The following VTCN1 variants were observed in gnomAD, a reference collection of about 807,000 sequenced individuals.
VTCN1 encodes the protein V-set domain containing T cell activation inhibitor 1, also known as V-set domain-containing T-cell activation inhibitor 1.
VTCN1 carries 26 observed loss-of-function variants against 26.5 expected under a neutral mutation model. The observed-to-expected ratio is 0.98, with a 90% CI of 0.72 to 1.36. The LOEUF (loss-of-function observed/expected upper bound fraction) is 1.36. Among genes scored for constraint, VTCN1 ranks in the 40% most tolerant of loss-of-function variants. VTCN1 has a pLI of 0.00. For synonymous variants in VTCN1, 116 were observed against 130.7 expected (o/e 0.89, Z 0.77); for missense variants, 298 against 337.7 (o/e 0.88, Z 0.92).
intron 1 of VTCN1, among the ~76,000 whole-genome samples, chr1:117,208,601 C>T (rs1649210645): frequency 6.6e-6 from 1 of 152,174 alleles, no homozygotes. Context: ...CCCCTCAGAG[C>T]AAGGGTTTTC....
At chr1:117,163,876 G>T (rs1337798536) in intron 2 of VTCN1, among the ~76,000 whole-genome samples, 1 of 152,116 alleles carries the variant, frequency 6.6e-6, no homozygotes. Context: ...TGACTCGAAG[G>T]TTTTTTTGGA....
intron 1 of VTCN1, 112 bp downstream of exon 1, chr1:117,210,712 G>A: frequency 8.4e-7 from 1 of 1,188,708 alleles, no homozygotes; most frequent in Non-Finnish European, 1.2e-6. Flanking sequence ...TGCTGGATCA[G>A]ATAAAATTAC....
chr1:117,207,942 G>A (rs1016606078), intron 1 of VTCN1, among the ~76,000 whole-genome samples: 1 of 152,110 alleles, frequency 6.6e-6, no homozygotes, highest in Non-Finnish European at 1.5e-5. Flanking sequence ...GACCACAACT[G>A]TTTCCCAACT....
chr1:117,199,349 T>C (rs1648678148), intron 1 of VTCN1, among the ~76,000 whole-genome samples: 1 of 152,158 alleles, frequency 6.6e-6, no homozygotes. Flanking sequence ...TTTTTGAGAC[T>C]GAGTCTCACT....
At chr1:117,172,330 C>T (rs1473521073) in intron 1 of VTCN1, 3 of 518,328 alleles carry the variant, frequency 5.8e-6, no homozygotes, top group South Asian at 2.8e-5. Context: ...AGGCAGCAAG[C>T]GAAGCTTTAA....
At position 117,173,150 on chromosome 1, in the gene VTCN1, C is replaced by T. The variant is rs1390622364; in HGVS notation, c.33-2979G>A. On this transcript the variant is annotated intron_variant, in intron 1 of 5. Transcript: ENST00000369458. ...GAGCAAACAACTCCGGAACAAACAACTCCGGACGCGCCACCTTTAAGAGCT... is the reference window on the plus strand; with the variant it reads ...GAGCAAACAACTCCGGAACAAACAATTCCGGACGCGCCACCTTTAAGAGCT... 4.2e-6 allele frequency: 3 copies of T among 715,100 alleles called. No individual in the cohort carries two copies. In the African/African-American group the frequency reaches 5.2e-5, roughly 13 times the overall value. The allele number at this position is 715,100 out of a possible 1,614,324, so 44.3% of individuals were successfully genotyped here. A position where few individuals can be genotyped will look rare whatever the true frequency, so the allele number is the denominator to read the frequency against.
rs1197843911 is a variant in VTCN1 at position 117,156,715 on chromosome 1, C to T, written c.304G>A (p.Ala102Thr). The T allele has an allele frequency of 9.9e-6, 16 of 1,614,216 alleles. No homozygotes were observed. Among genetic ancestry groups the T allele is most frequent in the Non-Finnish European group, 1.3e-5 (15 of 1,180,038 alleles). The change falls in exon 3 of 6, where the codon GCA (alanine) becomes ACA (threonine). Residue 102 changes from alanine to threonine, a missense_variant. Transcript: ENST00000369458. Reference sequence around the variant, plus strand: ...ACTATCACTTGATCAGCAAACACTGCTGTCCGGCCTCTGAACATTTCATCC... The same window carrying T: ...ACTATCACTTGATCAGCAAACACTGTTGTCCGGCCTCTGAACATTTCATCC... ...EQDEMFRGRT[A>T]VFADQVIVGN... is the part of the protein sequence containing the mutation.
intron 4 of VTCN1, among the ~76,000 whole-genome samples, chr1:117,152,201 G>A (rs12566082): frequency 0.054 from 8,156 of 152,066 alleles, 263 homozygotes; most frequent in South Asian, 0.079. Flanking sequence ...TGATATATCT[G>A]AGTTGTAGAT....
chr1:117,195,126 A>T (rs1197498085), intron 1 of VTCN1, among the ~76,000 whole-genome samples: 5 of 151,764 alleles, frequency 3.3e-5, no homozygotes, highest in African/African-American at 1.2e-4. Context: ...GCCAGGCATG[A>T]TGGAGGGCGC....
In VTCN1 at chr1:117,173,448, G is replaced by A. The variant is rs1267495143; in HGVS notation, c.33-3277C>T. ...ACTCAAGGAACACCAAAGGTTGCCA[G>A]CAAAACTCCAGAATCTGGGAGAGAG... On this transcript the variant is annotated intron_variant, in intron 1 of 5. Transcript: ENST00000369458. Among the ~76,000 whole-genome samples the A allele has an allele frequency of 6.6e-5, 10 of 152,194 alleles. No individual in the cohort carries two copies. In the East Asian group the frequency reaches 1.9e-3, roughly 29 times the overall value.
At chr1:117,198,329 A>G (rs1300307709) in intron 1 of VTCN1, among the ~76,000 whole-genome samples, 4 of 152,232 alleles carry the variant, frequency 2.6e-5, no homozygotes, top group African/African-American at 9.6e-5. Flanking sequence ...CTTGTGTGTT[A>G]TATGTGAATG....
intron 2 of VTCN1, among the ~76,000 whole-genome samples, chr1:117,165,966 T>C (rs1054790096): frequency 3.3e-5 from 5 of 152,178 alleles, no homozygotes; most frequent in Admixed American, 6.5e-5. Flanking sequence ...ACTAACAAAC[T>C]GCCCATTTTA....
chr1:117,163,819 C>A (rs762742297), intron 2 of VTCN1, among the ~76,000 whole-genome samples: 5 of 152,166 alleles, frequency 3.3e-5, no homozygotes, highest in Non-Finnish European at 5.9e-5. Context: ...CAACTAAAAA[C>A]CACAAAATAA....
At chr1:117,162,277 T>C (rs1652405867) in intron 2 of VTCN1, among the ~76,000 whole-genome samples, 1 of 152,226 alleles carries the variant, frequency 6.6e-6, no homozygotes, top group African/African-American at 2.4e-5. Flanking sequence ...GTTAAGTGAA[T>C]AAATGATTGT....
intron 1 of VTCN1, chr1:117,172,509 G>T (rs1652974795): frequency 1.9e-6 from 1 of 518,336 alleles, no homozygotes; most frequent in Admixed American, 1.9e-5. Flanking sequence ...ACTGACACAG[G>T]CAGCCGACTT....
At chr1:117,154,714 C>T (rs1335556410) in intron 3 of VTCN1, among the ~76,000 whole-genome samples, 7 of 143,956 alleles carry the variant, frequency 4.9e-5, no homozygotes, top group African/African-American at 7.8e-5. Context: ...ACCTGGGAGG[C>T]GCAGGTTGCT....
At chr1:117,185,035 A>C (rs1395792488) in intron 1 of VTCN1, among the ~76,000 whole-genome samples, 1 of 152,204 alleles carries the variant, frequency 6.6e-6, no homozygotes, top group Non-Finnish European at 1.5e-5. Context: ...TGCCACAGCT[A>C]AGTCAGATCT....
Position 117,156,915 on chromosome 1 carries a change from T to G in VTCN1, c.104A>C (p.His35Pro). 3 of 1,613,928 alleles carry G rather than the reference T, an allele frequency of 1.9e-6. No homozygotes were observed. The highest frequency in any genetic ancestry group is 2.5e-6 in the Non-Finnish European group (3 of 1,179,974). ...LIIGFGISGR[H>P]SITVTTVASA... is the part of the protein sequence containing the mutation. ...GGCGACAGTAGTGACTGTGATGGAGTGTCTCCCTGCAGTTCAGGAAGCAAA... is the reference window on the plus strand; with the variant it reads ...GGCGACAGTAGTGACTGTGATGGAGGGTCTCCCTGCAGTTCAGGAAGCAAA... Residue 35 changes from histidine (H) to proline (P), a missense_variant, in exon 3 of 6, where the codon CAC becomes CCC. Transcript: ENST00000369458.
chr1:117,153,126 T>C lies in VTCN1; in HGVS notation c.689A>G (p.Asp230Gly), dbSNP rs1323696846. The C allele has an allele frequency of 1.2e-6, 2 of 1,612,358 alleles. No individual in the cohort carries two copies. The highest frequency in any genetic ancestry group is 1.1e-5 in the South Asian group (1 of 91,040). The change falls in exon 4 of 6, where the codon GAC becomes GGC. Residue 230 changes from aspartate to glycine, a missense_variant. Asp to Gly is a moderately conservative substitution (Grantham distance 94). Coordinates refer to ENST00000369458, the MANE Select transcript of VTCN1 (RefSeq NM_024626.4). ...GATATCCCCTGTTGCTTTGGCAATGTCATTTTCAATCATACAGGAGTATGT... is the reference window on the plus strand; with the variant it reads ...GATATCCCCTGTTGCTTTGGCAATGCCATTTTCAATCATACAGGAGTATGT... Reference protein sequence around the residue: ...NNTYSCMIENDIAKATGDIKV... With the variant: ...NNTYSCMIENGIAKATGDIKV...
Sources: gnomAD v4.1 joint callset for allele counts (sites outside exome capture counted in the v4.1 genomes callset) on GRCh38, gnomAD v4.1.1 for gene constraint, MANE v1.5 for transcripts, NCBI Gene and HGNC (gene_info 2026-07-23, HGNC 2026-07-21) for gene names.